Variants in PTK2 observed in about 807,000 individuals in gnomAD.
The protein encoded by PTK2 is protein tyrosine kinase 2.
A neutral mutation model predicts 150.1 loss-of-function variants in PTK2; 45 were observed. The ratio of observed to expected loss-of-function variants is 0.30; its 90% CI spans 0.24 to 0.38. PTK2 has a LOEUF of 0.38. PTK2 is among the 10% of genes least tolerant of loss of function. The pLI is 1.00. For missense variants in PTK2, 919 were observed against 1,307.3 expected, an observed-to-expected ratio of 0.70 and a Z score of 4.58; for synonymous variants, 432 against 449.2, an observed-to-expected ratio of 0.96 and a Z score of 0.48.
At chr8:140,905,264 T>C (rs1423039856) in intron 2 of PTK2, among the ~76,000 whole-genome samples, 1 of 152,092 alleles carries the variant, frequency 6.6e-6, no homozygotes, top group Admixed American at 6.6e-5. Context: ...ATCGGAGTGC[T>C]GTATTTGGGA....
At chr8:140,789,349 G>A in intron 14 of PTK2, 125 bp downstream of exon 14, 1 of 815,206 alleles carries the variant, frequency 1.2e-6, no homozygotes. Context: ...ATGCAAATTT[G>A]GATAGCCAGA....
chr8:140,785,838 G>T lies in PTK2; in HGVS notation c.1177+3636C>A, dbSNP rs142398206. On this transcript the variant is annotated intron_variant, in intron 14 of 31. Transcript: ENST00000522684. ...GAAATGGAGAGATAATAAATACCTT[G>T]CAAGGCCACTGTGGGATTAAATAAT... Among the ~76,000 whole-genome samples the T allele has an allele frequency of 1.6e-4, 24 of 152,282 alleles. No homozygotes were observed. The East Asian group carries it at 4.4e-3, about 28-fold the overall frequency.
intron 12 of PTK2, among the ~76,000 whole-genome samples, chr8:140,799,690 A>G (rs1479801427): frequency 1.3e-5 from 2 of 152,206 alleles, no homozygotes; most frequent in African/African-American, 2.4e-5. Flanking sequence ...AAGCCTATAA[A>G]TAAGTCCTTT....
chr8:140,879,358 T>C, intron 4 of PTK2, 113 bp downstream of exon 4: 1 of 1,106,042 alleles, frequency 9.0e-7, no homozygotes. Context: ...TATACCAGAG[T>C]TGTAATGACA....
intron 21 of PTK2, among the ~76,000 whole-genome samples, chr8:140,737,886 T>C (rs1324756893): frequency 6.6e-6 from 1 of 152,210 alleles, no homozygotes; most frequent in Non-Finnish European, 1.5e-5. Flanking sequence ...TGAACACACA[T>C]CAACTGGACT....
intron 12 of PTK2, chr8:140,799,389 G>T (rs2100093611): frequency 6.6e-6 from 1 of 152,190 alleles, no homozygotes; most frequent in Admixed American, 6.6e-5. Flanking sequence ...ACTCCACACA[G>T]CACTTCAGGA....
At chr8:140,990,640 T>G (rs911172323) in intron 1 of PTK2, among the ~76,000 whole-genome samples, 9 of 152,220 alleles carry the variant, frequency 5.9e-5, no homozygotes, top group Admixed American at 5.2e-4. Context: ...GAGTGAAAGA[T>G]CACAGTAGGA....
At chr8:140,877,184 C>T (rs1470292896) in intron 4 of PTK2, among the ~76,000 whole-genome samples, 2 of 151,936 alleles carry the variant, frequency 1.3e-5, no homozygotes, top group African/African-American at 4.8e-5. Context: ...AGGCACCCGC[C>T]ACCACGCCTG....
intron 26 of PTK2, among the ~76,000 whole-genome samples, chr8:140,688,353 G>A (rs907218737): frequency 6.6e-6 from 1 of 152,064 alleles, no homozygotes; most frequent in Non-Finnish European, 1.5e-5. Context: ...AAAAAAACAT[G>A]TTCCCTTTCA....
chr8:140,670,481 A>ACAAC lies in PTK2; in HGVS notation c.2710-2058_2710-2057insGTTG, dbSNP rs1397351116. On this transcript the variant is annotated intron_variant, in intron 29 of 31. Coordinates refer to ENST00000522684, the Ensembl canonical transcript of PTK2. The stretch of plus-strand genomic sequence containing the variant: ...CAAAAAAAAAAAAAAAAAAAAAAAA[A>ACAAC]AACAACAACACACACACACACACAC... 3.9e-4 allele frequency among the ~76,000 whole-genome samples: 14 copies of ACAAC among 35,620 alleles called. 1 individual carries two copies. The highest frequency in any genetic ancestry group is 1.4e-3 in the African/African-American group (14 of 10,056). The allele number at this position is 35,620 out of a possible 152,430, so 23.4% of individuals were successfully genotyped here.
At chr8:140,859,488 T>C (rs2100134782) in intron 5 of PTK2, among the ~76,000 whole-genome samples, 1 of 152,170 alleles carries the variant, frequency 6.6e-6, no homozygotes. Flanking sequence ...TAAAAATCAC[T>C]GATTTAGCCT....
intron 23 of PTK2, among the ~76,000 whole-genome samples, chr8:140,707,551 A>AT (rs11452785): frequency 6.6e-6 from 1 of 151,930 alleles, no homozygotes; most frequent in African/African-American, 2.4e-5. Context: ...GATTACAGGC[A>AT]GCGGCACCTC....
intron 1 of PTK2, among the ~76,000 whole-genome samples, chr8:140,999,416 A>G (rs1172683627): frequency 6.6e-6 from 1 of 152,236 alleles, no homozygotes; most frequent in Admixed American, 6.5e-5. Flanking sequence ...TTAATAAACA[A>G]GAAGGTTCAA....
At chr8:140,813,828 A>T (rs990104468) in intron 10 of PTK2, among the ~76,000 whole-genome samples, 17 of 95,848 alleles carry the variant, frequency 1.8e-4, no homozygotes, top group Non-Finnish European at 2.6e-4. Context: ...AAGGAGAGTG[A>T]GATGGAAAAA....
At chr8:140,805,746 C>T (rs2100097815) in intron 10 of PTK2, among the ~76,000 whole-genome samples, 1 of 152,054 alleles carries the variant, frequency 6.6e-6, no homozygotes, top group Non-Finnish European at 1.5e-5. Context: ...TAGTCCAGGC[C>T]ACCATATGAT....
intron 22 of PTK2, 22 bp downstream of exon 25, chr8:140,735,229 C>G: frequency 6.2e-7 from 1 of 1,608,790 alleles, no homozygotes; most frequent in Non-Finnish European, 8.5e-7. Flanking sequence ...ACCCCCAGGC[C>G]CTCTCTCCCG....
At chr8:140,668,229 A>T in intron 30 of PTK2, 40 bp downstream of exon 34, 1 of 1,611,950 alleles carries the variant, frequency 6.2e-7, no homozygotes. Flanking sequence ...TACAGGAAAC[A>T]AGAACATTTT....
intron 9 of PTK2, 97 bp from the exon 10 acceptor site, chr8:140,818,451 G>A: frequency 9.4e-7 from 1 of 1,061,960 alleles, no homozygotes; most frequent in South Asian, 1.3e-5. Flanking sequence ...CCAAAGCAGG[G>A]GCTGGTTTGG....
At chr8:140,820,919 CAGGTACACCGTAAACTAGG>C (rs1446638547) in intron 8 of PTK2, 2 of 152,244 alleles carry the variant, frequency 1.3e-5, no homozygotes, top group Non-Finnish European at 2.9e-5. Flanking sequence ...GCTGCTAAGT[CAGGTACACCGTAAACTAGG>C]AGGGCATGGC....
Sources: allele counts gnomAD v4.1 joint callset (sites outside exome capture counted in the v4.1 genomes callset), GRCh38; gene constraint gnomAD v4.1.1; transcripts MANE v1.5; gene names NCBI Gene and HGNC (gene_info 2026-07-23, HGNC 2026-07-21).